Variants in KLF12 observed in about 807,000 individuals in gnomAD.
KLF12 encodes the protein Krueppel-like factor 12.
Under a neutral mutation model 37.8 loss-of-function variants are expected in KLF12, and 9 were observed. The observed-to-expected ratio is 0.24, with a 90% CI of 0.14 to 0.42. KLF12 has a LOEUF of 0.42. Among genes scored for constraint, KLF12 ranks in the 10% least tolerant of loss-of-function variants. KLF12 has a pLI of 1.00. For synonymous variants in KLF12, 208 were observed against 202.1 expected (o/e 1.03, Z -0.25); for missense variants, 411 against 516.0 (o/e 0.80, Z 1.97).
At chr13:74,154,741 A>G in the KLF12 span, among the ~76,000 whole-genome samples, 1 of 152,210 alleles carries the variant, frequency 6.6e-6, no homozygotes, top group Non-Finnish European at 1.5e-5. Flanking sequence ...GTCTGGGTCA[A>G]GAGATGATGG....
intron 6 of KLF12, among the ~76,000 whole-genome samples, chr13:73,728,163 A>G (rs1876806479): frequency 6.6e-6 from 1 of 152,228 alleles, no homozygotes; most frequent in African/African-American, 2.4e-5. Flanking sequence ...TCAACGTTCA[A>G]GCCTTACATA....
At chr13:73,994,345 T>C (rs1892048705) in intron 2 of KLF12, among the ~76,000 whole-genome samples, 2 of 152,326 alleles carry the variant, frequency 1.3e-5, no homozygotes, top group East Asian at 1.9e-4. Context: ...GTTTAACATA[T>C]TGTAATTCTC....
chr13:74,190,121 A>G, the KLF12 span, among the ~76,000 whole-genome samples: 3 of 152,202 alleles, frequency 2.0e-5, no homozygotes, highest in African/African-American at 4.8e-5. Context: ...ACACTTACTG[A>G]GTCAAAAGTA....
chr13:73,810,986 T>TTTC (rs1882907455), intron 5 of KLF12, among the ~76,000 whole-genome samples: 1 of 50,200 alleles, frequency 2.0e-5, no homozygotes, highest in African/African-American at 7.1e-5. Context: ...TTCTTTCTTT[T>TTTC]TTTTTTTTTT....
chr13:74,035,836 G>C (rs1256742247), intron 1 of KLF12, among the ~76,000 whole-genome samples: 2 of 152,132 alleles, frequency 1.3e-5, no homozygotes, highest in African/African-American at 4.8e-5. Flanking sequence ...GGTAATTTGA[G>C]AGTAACAATT....
the KLF12 span, among the ~76,000 whole-genome samples, chr13:74,191,287 G>A: frequency 6.6e-6 from 1 of 152,162 alleles, no homozygotes. Flanking sequence ...TCCTATCTGG[G>A]TAAGCCACAT....
chr13:73,845,481 C>T lies in KLF12; in HGVS notation c.670+346G>A, dbSNP rs79622933. Among the ~76,000 whole-genome samples, 689 of 152,282 alleles carry T rather than the reference C, an allele frequency of 4.5e-3. 5 individuals are homozygous for T. The highest frequency in any genetic ancestry group is 0.015 in the East Asian group (76 of 5,186). On this transcript the variant is annotated intron_variant, in intron 4 of 7. Transcript: ENST00000377669. Reference sequence around the variant, plus strand: ...TACAATTCATAATCAGTAATTTATACTTCATAAGCAATTATGTTCACCATA... The same window carrying T: ...TACAATTCATAATCAGTAATTTATATTTCATAAGCAATTATGTTCACCATA...
At chr13:73,953,302 C>T (rs1315501634) in intron 2 of KLF12, among the ~76,000 whole-genome samples, 1 of 150,402 alleles carries the variant, frequency 6.6e-6, no homozygotes, top group African/African-American at 2.5e-5. Flanking sequence ...CATGGAAATA[C>T]AAGTTTGGTT....
the KLF12 span, among the ~76,000 whole-genome samples, chr13:74,264,925 G>C: frequency 6.6e-6 from 1 of 151,900 alleles, no homozygotes; most frequent in African/African-American, 2.4e-5. Flanking sequence ...TGAATTCATA[G>C]AGAGGGCAAG....
chr13:73,696,037 T>TA (rs1207453095), intron 7 of KLF12, among the ~76,000 whole-genome samples: 9 of 152,130 alleles, frequency 5.9e-5, no homozygotes, highest in Admixed American at 5.9e-4. Flanking sequence ...AAAGAATTCT[T>TA]ACGGTCAAGC....
intron 1 of KLF12, among the ~76,000 whole-genome samples, chr13:74,061,877 G>A (rs1873614046): frequency 6.6e-6 from 1 of 152,120 alleles, no homozygotes; most frequent in Admixed American, 6.5e-5. Flanking sequence ...AAATATAAAA[G>A]TTGTGCCTTT....
At chr13:74,106,970 G>A (rs1468670485) in intron 1 of KLF12, among the ~76,000 whole-genome samples, 1 of 152,088 alleles carries the variant, frequency 6.6e-6, no homozygotes, top group Non-Finnish European at 1.5e-5. Context: ...CCTTAGACTG[G>A]TTAATCTATA....
chr13:74,297,262 A>G, the KLF12 span, among the ~76,000 whole-genome samples: 1 of 152,182 alleles, frequency 6.6e-6, no homozygotes, highest in South Asian at 2.1e-4. Context: ...TATTCCCTGG[A>G]GCACTAGTTG....
chr13:74,273,072 A>G, the KLF12 span, among the ~76,000 whole-genome samples: 2 of 152,176 alleles, frequency 1.3e-5, no homozygotes, highest in Non-Finnish European at 2.9e-5. Context: ...GGTGTGCTCT[A>G]CTAGTATCCT....
At chr13:74,021,300 A>G (rs1186374291) in intron 1 of KLF12, among the ~76,000 whole-genome samples, 2 of 152,168 alleles carry the variant, frequency 1.3e-5, no homozygotes, top group East Asian at 3.8e-4. Flanking sequence ...TCAAGAAAAA[A>G]AAAAGATGCC....
chr13:74,090,743 G>C (rs543255670), intron 1 of KLF12, among the ~76,000 whole-genome samples: 61 of 151,890 alleles, frequency 4.0e-4, no homozygotes, highest in Non-Finnish European at 2.9e-4. Flanking sequence ...ATTCTGGATA[G>C]AGCCCTTTGT....
intron 1 of KLF12, among the ~76,000 whole-genome samples, chr13:74,051,906 T>C (rs1487148057): frequency 6.6e-6 from 1 of 152,168 alleles, no homozygotes; most frequent in Non-Finnish European, 1.5e-5. Flanking sequence ...CACAAAGAAA[T>C]TATACATGTT....
At chr13:74,043,369 A>C (rs1893459544) in intron 1 of KLF12, among the ~76,000 whole-genome samples, 1 of 152,362 alleles carries the variant, frequency 6.6e-6, no homozygotes, top group Non-Finnish European at 1.5e-5. Flanking sequence ...TTCTGTGCTA[A>C]AACAGGAGTA....
intron 3 of KLF12, among the ~76,000 whole-genome samples, chr13:73,918,417 C>T (rs528713619): frequency 2.3e-4 from 35 of 152,254 alleles, no homozygotes; most frequent in African/African-American, 7.9e-4. Flanking sequence ...TTCAATCCTC[C>T]AGTCCATGAT....
Sources: gnomAD v4.1 joint callset for allele counts (sites outside exome capture counted in the v4.1 genomes callset) on GRCh38, gnomAD v4.1.1 for gene constraint, MANE v1.5 for transcripts, NCBI Gene and HGNC (gene_info 2026-07-23, HGNC 2026-07-21) for gene names.